The following KALRN variants were observed in gnomAD, a reference collection of about 807,000 sequenced individuals.
KALRN encodes the protein kalirin.
A neutral mutation model predicts 353.7 loss-of-function variants in KALRN; 70 were observed. The observed-to-expected ratio is 0.20, with a 90% CI of 0.16 to 0.24. KALRN has a LOEUF of 0.24. Among genes scored for constraint, KALRN ranks in the 10% least tolerant of loss-of-function variants. The pLI is 1.00. For synonymous variants in KALRN, 1,391 were observed against 1,434.8 expected (o/e 0.97, Z 0.69); for missense variants, 2,791 against 3,756.7 (o/e 0.74, Z 6.72).
At chr3:124,174,434 A>T (rs938010028) in intron 1 of KALRN, among the ~76,000 whole-genome samples, 2 of 152,110 alleles carry the variant, frequency 1.3e-5, no homozygotes, top group African/African-American at 4.8e-5. Flanking sequence ...ACTCTGTCTT[A>T]AAAAAAGGAA....
rs551740291 is a variant in KALRN, at chr3:124,515,185, C to T, written c.4935+18772C>T. Reference sequence around the variant, plus strand: ...CACTGGATGTCCAATGAATGCAAAACGTCTCACTATAGCTCAGCTCTTATT... The same window carrying T: ...CACTGGATGTCCAATGAATGCAAAATGTCTCACTATAGCTCAGCTCTTATT... On this transcript the variant is annotated intron_variant, in intron 33 of 59. Transcript: ENST00000682506. Among the ~76,000 whole-genome samples the T allele has an allele frequency of 8.5e-5, 13 of 152,272 alleles. No individual in the cohort carries two copies. The East Asian group carries it at 1.2e-3, about 14-fold the overall frequency.
intron 6 of KALRN, among the ~76,000 whole-genome samples, chr3:124,313,784 T>A (rs1234839882): frequency 2.0e-5 from 3 of 152,156 alleles, no homozygotes; most frequent in African/African-American, 7.2e-5. Flanking sequence ...AAGTTGAAAA[T>A]CACTACTGGT....
chr3:124,660,211 A>AAAGTGTTGAGATTACAGG (rs2084665503), intron 43 of KALRN, among the ~76,000 whole-genome samples: 1 of 151,970 alleles, frequency 6.6e-6, no homozygotes, highest in African/African-American at 2.4e-5. Context: ...GAGATTACAG[A>AAAGTGTTGAGATTACAGG]CATGAGCCAC....
chr3:124,335,877 C>T (rs551725221), intron 9 of KALRN, among the ~76,000 whole-genome samples: 1 of 152,106 alleles, frequency 6.6e-6, no homozygotes, highest in East Asian at 1.9e-4. Flanking sequence ...CAATGTAATC[C>T]ATTGTATATT....
intron 9 of KALRN, among the ~76,000 whole-genome samples, chr3:124,344,960 G>A (rs771692980): frequency 6.6e-6 from 1 of 152,216 alleles, no homozygotes; most frequent in Non-Finnish European, 1.5e-5. Context: ...AACACTGTAT[G>A]TGGGTGAACT....
chr3:124,369,466 T>G (rs1435617671), intron 10 of KALRN, among the ~76,000 whole-genome samples: 2 of 152,238 alleles, frequency 1.3e-5, no homozygotes, highest in African/African-American at 2.4e-5. Context: ...AATTTCTTAT[T>G]TTTTAATCAA....
rs143158095 is a variant in KALRN at position 124,298,812 on chromosome 3, A to G, written c.991A>G (p.Asn331Asp). Residue 331 changes from asparagine (N) to aspartate (D), a missense_variant, in exon 6 of 60, where the codon AAC (asparagine) becomes GAC (aspartate). By Grantham distance (23) the Asn-to-Asp change is conservative. Around this residue, in one of 11 missense-constraint regions of KALRN, gnomAD observed 366 missense variants for 489.2 expected, o/e 0.75. Transcript: ENST00000682506. ...AEKMFDWISHNKELFLQSHTE... is the reference protein window; with the variant it reads ...AEKMFDWISHDKELFLQSHTE... ...CTAGATGTTTGACTGGATAAGCCAC[A>G]ACAAGGAGTTATTCCTCCAGAGCCA... is the stretch of plus-strand genomic sequence containing the variant. 39 of 1,614,048 alleles carry G rather than the reference A, an allele frequency of 2.4e-5. No homozygotes were observed. The highest frequency in any genetic ancestry group is 3.2e-5 in the Non-Finnish European group (38 of 1,180,020).
At chr3:124,164,110 C>A in intron 1 of KALRN, 1 of 329,130 alleles carries the variant, frequency 3.0e-6, no homozygotes, top group Non-Finnish European at 4.3e-6. Flanking sequence ...TCCTTTACCT[C>A]TGTTTCAGAT....
rs138042631 is a variant in KALRN, at chr3:124,039,225, C to T, written c.73+5412C>T. Among the ~76,000 whole-genome samples the T allele has an allele frequency of 6.8e-3, 1,033 of 152,308 alleles. 15 individuals are homozygous for T. Among genetic ancestry groups the T allele is most frequent in the African/African-American group, 0.022 (907 of 41,546 alleles). Reference sequence around the variant, plus strand: ...CACAGTCTCCTTGGATCAACCACCCCGGCACCCTCCAAATCCAACACAGTC... The same window carrying T: ...CACAGTCTCCTTGGATCAACCACCCTGGCACCCTCCAAATCCAACACAGTC... On this transcript the variant is annotated intron_variant, in intron 1 of 59. Transcript: ENST00000682506.
chr3:124,076,309 C>G (rs143067959), intron 1 of KALRN, among the ~76,000 whole-genome samples: 3 of 152,274 alleles, frequency 2.0e-5, no homozygotes, highest in African/African-American at 7.2e-5. Context: ...TGATCAGGAT[C>G]ATTTCTCCAC....
At chr3:124,678,343 C>T in intron 50 of KALRN, 30 bp downstream of exon 50, 1 of 1,610,782 alleles carries the variant, frequency 6.2e-7, no homozygotes, top group Non-Finnish European at 8.5e-7. Context: ...GCTGCGTCCC[C>T]ACCTGTCATC....
intron 34 of KALRN, among the ~76,000 whole-genome samples, chr3:124,601,098 A>T (rs933076678): frequency 6.6e-6 from 1 of 152,216 alleles, no homozygotes; most frequent in African/African-American, 2.4e-5. Context: ...GTTAGAGCTT[A>T]CTACATGTAT....
intron 34 of KALRN, among the ~76,000 whole-genome samples, chr3:124,579,277 T>G (rs1399511839): frequency 6.6e-6 from 1 of 152,140 alleles, no homozygotes; most frequent in Non-Finnish European, 1.5e-5. Flanking sequence ...TACCAGAAAT[T>G]CTTTGGGGTT....
intron 34 of KALRN, among the ~76,000 whole-genome samples, chr3:124,565,082 G>C (rs1468337386): frequency 2.6e-5 from 4 of 152,198 alleles, no homozygotes; most frequent in Non-Finnish European, 5.9e-5. Context: ...GGTGTCTGGA[G>C]TGCCATCTGG....
chr3:124,204,097 A>C (rs2076197141), intron 1 of KALRN, among the ~76,000 whole-genome samples: 1 of 152,200 alleles, frequency 6.6e-6, no homozygotes, highest in Non-Finnish European at 1.5e-5. Context: ...CTCTTCAAAA[A>C]TGGGAATCCC....
At chr3:124,050,050 G>A (rs1452901325) in intron 1 of KALRN, among the ~76,000 whole-genome samples, 1 of 152,176 alleles carries the variant, frequency 6.6e-6, no homozygotes, top group Non-Finnish European at 1.5e-5. Flanking sequence ...GTGCATAGAG[G>A]TGTTTACATG....
chr3:124,632,269 T>C (rs2080866778), intron 34 of KALRN, 151 bp from the exon 35 acceptor site: 6 of 683,900 alleles, frequency 8.8e-6, no homozygotes, highest in Non-Finnish European at 1.5e-5. Flanking sequence ...TTTCTTACTG[T>C]TGTTGAGAGG....
intron 47 of KALRN, 29 bp downstream of exon 47, chr3:124,667,212 G>T (rs1198376274): frequency 3.8e-6 from 6 of 1,599,738 alleles, no homozygotes; most frequent in Non-Finnish European, 5.1e-6. Context: ...TCCTTGCAGG[G>T]CTGTGTCAGG....
chr3:124,492,185 T>A (rs574991849), intron 31 of KALRN, among the ~76,000 whole-genome samples: 1 of 152,274 alleles, frequency 6.6e-6, no homozygotes, highest in East Asian at 1.9e-4. Context: ...TGAGGCAGAA[T>A]TACCAGAAAA....
Sources: gnomAD v4.1 joint callset for allele counts (sites outside exome capture counted in the v4.1 genomes callset) on GRCh38, gnomAD v4.1.1 for gene constraint, gnomAD v4.1.1 regional missense constraint, MANE v1.5 for transcripts, NCBI Gene and HGNC (gene_info 2026-07-23, HGNC 2026-07-21) for gene names.